Variants in LRP12 observed in about 807,000 individuals in gnomAD.
The protein encoded by LRP12 is low-density lipoprotein receptor-related protein 12.
A neutral mutation model predicts 66.0 loss-of-function variants in LRP12; 14 were observed. The ratio of observed to expected loss-of-function variants is 0.21; its 90% CI spans 0.14 to 0.33. The LOEUF (loss-of-function observed/expected upper bound fraction) is 0.33. LRP12 is among the 10% of genes least tolerant of loss of function. The probability of loss-of-function intolerance (pLI) is 1.00; values close to 1 mark genes in which losing one functional copy is unlikely to be tolerated. For missense variants in LRP12, 889 were observed against 1,053.4 expected, an observed-to-expected ratio of 0.84 and a Z score of 2.16; for synonymous variants, 357 against 359.1, an observed-to-expected ratio of 0.99 and a Z score of 0.07.
intron 2 of LRP12, among the ~76,000 whole-genome samples, chr8:104,523,564 C>G (rs1449886762): frequency 6.6e-6 from 1 of 152,148 alleles, no homozygotes; most frequent in Non-Finnish European, 1.5e-5. Flanking sequence ...CTAATCATCT[C>G]CATGTGAGCA....
chr8:104,495,336 G>A (rs901678200), intron 5 of LRP12, 127 bp from the exon 6 acceptor site: 2 of 942,158 alleles, frequency 2.1e-6, no homozygotes, highest in South Asian at 1.7e-5. Context: ...TTAGTCATTT[G>A]ACAAACATTT....
At chr8:104,540,932 C>T (rs1811466674) in intron 1 of LRP12, among the ~76,000 whole-genome samples, 1 of 152,144 alleles carries the variant, frequency 6.6e-6, no homozygotes, top group Admixed American at 6.5e-5. Flanking sequence ...CGGGGTTTCA[C>T]CATGTTGGCC....
At chr8:104,502,030 C>T (rs1036143632) in intron 3 of LRP12, among the ~76,000 whole-genome samples, 11 of 152,106 alleles carry the variant, frequency 7.2e-5, no homozygotes, top group African/African-American at 2.4e-4. Context: ...TTCTTTCTTA[C>T]ATTTATCTAG....
chr8:104,547,528 A>C (rs1273312982), intron 1 of LRP12, among the ~76,000 whole-genome samples: 1 of 124,124 alleles, frequency 8.1e-6, no homozygotes, highest in African/African-American at 3.3e-5. Context: ...TATAATTGTT[A>C]TATTTTGTAT....
In LRP12 at chr8:104,490,646, A is replaced by G. The variant is rs1289595518; in HGVS notation, c.*27T>C. ...ATAAATGGATATTGCTCCAACTTGT[A>G]TACAATCTCCCTTATGTGATTCGTA... On this transcript the variant is annotated 3_prime_UTR_variant, in exon 7 of 7. Coordinates refer to ENST00000276654, the MANE Select transcript of LRP12 (RefSeq NM_013437.5). The G allele has an allele frequency of 6.4e-7, 1 of 1,557,722 alleles. No individual in the cohort carries two copies. Among genetic ancestry groups the G allele is most frequent in the Non-Finnish European group, 8.7e-7 (1 of 1,154,946 alleles).
chr8:104,526,879 A>G (rs1255322705), intron 2 of LRP12, among the ~76,000 whole-genome samples: 2 of 143,464 alleles, frequency 1.4e-5, no homozygotes, highest in African/African-American at 5.6e-5. Context: ...AGAAACTACC[A>G]TCAGAGTGAA....
At chr8:104,566,755 C>T (rs896191705) in intron 1 of LRP12, among the ~76,000 whole-genome samples, 15 of 151,944 alleles carry the variant, frequency 9.9e-5, no homozygotes, top group Non-Finnish European at 2.2e-4. Context: ...ATCTTCAATA[C>T]GTTATTTAAT....
intron 1 of LRP12, among the ~76,000 whole-genome samples, chr8:104,549,332 T>C (rs1329072406): frequency 2.0e-5 from 3 of 151,926 alleles, no homozygotes; most frequent in African/African-American, 7.3e-5. Flanking sequence ...CTGAAGCTCA[T>C]GTGGAAACGG....
chr8:104,494,422 A>G (rs1810688377), intron 6 of LRP12, among the ~76,000 whole-genome samples: 1 of 152,194 alleles, frequency 6.6e-6, no homozygotes, highest in Admixed American at 6.5e-5. Flanking sequence ...TGGGAAAACA[A>G]TGTTTACCAG....
chr8:104,533,580 A>G (rs11783651), intron 1 of LRP12, among the ~76,000 whole-genome samples: 11,422 of 152,186 alleles, frequency 0.075, 479 homozygotes, highest in African/African-American at 0.083. Context: ...TTCTACTTCT[A>G]TATTATACAT....
chr8:104,504,684 G>C (rs1182546909), intron 3 of LRP12: 1 of 152,108 alleles, frequency 6.6e-6, no homozygotes, highest in Non-Finnish European at 1.5e-5. Context: ...GTTCCTTTGT[G>C]ATGTGAAACA....
At chr8:104,499,542 C>T (rs1447684059) in intron 3 of LRP12, 23 bp from the exon 4 acceptor site, 2 of 1,556,172 alleles carry the variant, frequency 1.3e-6, no homozygotes, top group Admixed American at 3.8e-5. Context: ...TCAGAAATGT[C>T]TATTAAAAAG....
chr8:104,510,829 G>A (rs1204546132), intron 2 of LRP12, among the ~76,000 whole-genome samples: 1 of 151,876 alleles, frequency 6.6e-6, no homozygotes, highest in Non-Finnish European at 1.5e-5. Flanking sequence ...AGGTAAGACT[G>A]TTGTATTATA....
intron 5 of LRP12, chr8:104,495,535 G>A (rs943336694): frequency 3.8e-5 from 7 of 184,980 alleles, no homozygotes; most frequent in Admixed American, 1.8e-4. Flanking sequence ...CTGAATATAC[G>A]TTGAAGCCAC....
At chr8:104,586,029 TTTTATC>T (rs575095770) in intron 1 of LRP12, among the ~76,000 whole-genome samples, 183 of 152,342 alleles carry the variant, frequency 1.2e-3, no homozygotes, top group Non-Finnish European at 2.1e-3. Flanking sequence ...CCACTGATAT[TTTTATC>T]CCTTCAAACT....
chr8:104,532,427 T>C (rs1811338484), intron 1 of LRP12, among the ~76,000 whole-genome samples: 2 of 152,066 alleles, frequency 1.3e-5, no homozygotes, highest in Admixed American at 1.3e-4. Flanking sequence ...AAAAAATCTT[T>C]CAAATTTTTC....
At chr8:104,525,282 T>C (rs1811216002) in intron 2 of LRP12, among the ~76,000 whole-genome samples, 1 of 152,152 alleles carries the variant, frequency 6.6e-6, no homozygotes, top group Non-Finnish European at 1.5e-5. Context: ...ATTAAGATTT[T>C]ATCCAATATT....
chr8:104,566,764 ATTT>A (rs1812011176), intron 1 of LRP12, among the ~76,000 whole-genome samples: 1 of 152,138 alleles, frequency 6.6e-6, no homozygotes, highest in South Asian at 2.1e-4. Flanking sequence ...ACGTTATTTA[ATTT>A]TTTATTGTCC....
intron 1 of LRP12, among the ~76,000 whole-genome samples, chr8:104,547,991 A>C (rs1353139536): frequency 8.8e-5 from 11 of 124,660 alleles, no homozygotes; most frequent in Admixed American, 2.9e-4. Flanking sequence ...TATAATTGTT[A>C]TATTTTGTAT....
Sources: gnomAD v4.1 joint callset for allele counts (sites outside exome capture counted in the v4.1 genomes callset) on GRCh38, gnomAD v4.1.1 for gene constraint, MANE v1.5 for transcripts, NCBI Gene and HGNC (gene_info 2026-07-23, HGNC 2026-07-21) for gene names.